Variants in CDYL2 observed in about 807,000 individuals in gnomAD.
The protein encoded by CDYL2 is chromodomain Y-like protein 2.
CDYL2 carries 23 observed loss-of-function variants against 49.4 expected under a neutral mutation model. That is an observed-to-expected ratio of 0.47 (90% CI 0.34 to 0.66). The LOEUF is 0.66. Ranked by LOEUF, CDYL2 falls within the 30% of genes least tolerant of loss-of-function variation. CDYL2 has a pLI of 0.01. For missense variants in CDYL2, 678 were observed against 656.4 expected (o/e 1.03, Z -0.36); for synonymous variants, 360 against 268.8 (o/e 1.34, Z -3.32).
Position 80,803,744 on chromosome 16 carries a change from C to T in CDYL2, c.24+406G>A, listed in dbSNP as rs867345304. Among the ~76,000 whole-genome samples the T allele has an allele frequency of 5.5e-4, 79 of 143,726 alleles. No homozygotes were observed. In the Middle Eastern group the frequency reaches 0.024, roughly 45 times the overall value. The allele number at this position is 143,726 out of a possible 152,430, so 94.3% of individuals were successfully genotyped here. On this transcript the variant is annotated intron_variant, in intron 1 of 6. Transcript: ENST00000570137. ...CCCCGCCGGCCGCGGCGCGCCCCCC[C>T]GCATTCCCAGCACGTCCGGCGCCGA...
intron 1 of CDYL2, among the ~76,000 whole-genome samples, chr16:80,800,937 T>A (rs1907907448): frequency 6.6e-6 from 1 of 152,192 alleles, no homozygotes; most frequent in East Asian, 1.9e-4. Context: ...GTGAATGATT[T>A]AAGAAGAATG....
rs1449217765 is a variant in CDYL2, at chr16:80,626,438, G to C, written c.835-5503C>G. Among the ~76,000 whole-genome samples the C allele has an allele frequency of 2.6e-5, 4 of 152,132 alleles. No individual in the cohort carries two copies. In the East Asian group the frequency reaches 7.7e-4, roughly 29 times the overall value. Reference sequence around the variant, plus strand: ...AATAATATTGTAGAGGATGAGAGGAGGAATGACTAGGGTTGGAGCATGTCA... The same window carrying C: ...AATAATATTGTAGAGGATGAGAGGACGAATGACTAGGGTTGGAGCATGTCA... On this transcript the variant is annotated intron_variant, in intron 3 of 6. Transcript: ENST00000570137.
At chr16:80,635,889 G>C (rs1907799942) in intron 2 of CDYL2, among the ~76,000 whole-genome samples, 1 of 152,176 alleles carries the variant, frequency 6.6e-6, no homozygotes, top group African/African-American at 2.4e-5. Context: ...GAACAGAACA[G>C]AGGCCTCAGA....
At chr16:80,615,758 G>C (rs1354721334) in intron 4 of CDYL2, among the ~76,000 whole-genome samples, 2 of 152,152 alleles carry the variant, frequency 1.3e-5, no homozygotes, top group Non-Finnish European at 2.9e-5. Context: ...GGCGTGCAGA[G>C]CTCTGACCCT....
chr16:80,606,450 CCA>C (rs1488578229), intron 6 of CDYL2, among the ~76,000 whole-genome samples: 2 of 152,170 alleles, frequency 1.3e-5, no homozygotes, highest in African/African-American at 4.8e-5. Flanking sequence ...AGCTTGCAGG[CCA>C]GTCTCCCACC....
At chr16:80,724,535 C>G (rs1036478051) in intron 1 of CDYL2, among the ~76,000 whole-genome samples, 2 of 152,174 alleles carry the variant, frequency 1.3e-5, no homozygotes, top group South Asian at 4.1e-4. Context: ...ACTCTCCACC[C>G]ACCTCAAGCA....
At chr16:80,605,324 A>G (rs1906281046) in intron 6 of CDYL2, among the ~76,000 whole-genome samples, 1 of 148,572 alleles carries the variant, frequency 6.7e-6, no homozygotes, top group Non-Finnish European at 1.5e-5. Context: ...ACACATGTAT[A>G]TATGTATATA....
At chr16:80,756,671 G>T (rs779139109) in intron 1 of CDYL2, among the ~76,000 whole-genome samples, 9 of 151,962 alleles carry the variant, frequency 5.9e-5, no homozygotes, top group Non-Finnish European at 8.8e-5. Context: ...TAATGACCTT[G>T]ACAGAAAAAT....
intron 1 of CDYL2, among the ~76,000 whole-genome samples, chr16:80,773,594 A>C (rs1346790852): frequency 6.6e-6 from 1 of 152,192 alleles, no homozygotes; most frequent in East Asian, 1.9e-4. Flanking sequence ...TCTTAAAGTT[A>C]AATATCAGAG....
At chr16:80,769,089 C>T (rs368172481) in intron 1 of CDYL2, among the ~76,000 whole-genome samples, 1 of 152,170 alleles carries the variant, frequency 6.6e-6, no homozygotes, top group African/African-American at 2.4e-5. Context: ...AAATACCCAT[C>T]ACATATCATC....
intron 1 of CDYL2, among the ~76,000 whole-genome samples, chr16:80,728,716 A>C (rs1905239666): frequency 6.6e-6 from 1 of 152,236 alleles, no homozygotes; most frequent in Non-Finnish European, 1.5e-5. Context: ...GGTTACCCAC[A>C]AAGGGAAGCC....
chr16:80,734,427 C>A (rs1354999962), intron 1 of CDYL2, among the ~76,000 whole-genome samples: 1 of 152,092 alleles, frequency 6.6e-6, no homozygotes, highest in Non-Finnish European at 1.5e-5. Context: ...GACAACAACA[C>A]TAAAGACTAA....
At chr16:80,683,149 C>T (rs1910035870) in intron 2 of CDYL2, among the ~76,000 whole-genome samples, 1 of 152,206 alleles carries the variant, frequency 6.6e-6, no homozygotes, top group African/African-American at 2.4e-5. Flanking sequence ...CTAACCATTC[C>T]CCCTGCATCC....
At chr16:80,713,091 T>A (rs998508909) in intron 1 of CDYL2, among the ~76,000 whole-genome samples, 1 of 152,176 alleles carries the variant, frequency 6.6e-6, no homozygotes, top group South Asian at 2.1e-4. Flanking sequence ...TACAAGAATA[T>A]CCCTTCAGAG....
At chr16:80,759,764 C>T (rs1212982378) in intron 1 of CDYL2, among the ~76,000 whole-genome samples, 1 of 152,200 alleles carries the variant, frequency 6.6e-6, no homozygotes, top group African/African-American at 2.4e-5. Flanking sequence ...ACAACACATT[C>T]AGCAATTGCA....
rs1331647487 is a variant in CDYL2 at position 80,599,289 on chromosome 16, TG to T, written c.*5098del. On this transcript the variant is annotated 3_prime_UTR_variant, in exon 7 of 7. Transcript: ENST00000570137. ...TGACTTTATAAATACATACCAGAGA[TG>T]AACCAAATAACTTGATTTTAGCCAT... 2.0e-5 allele frequency: 3 copies of T among 152,224 alleles called. No homozygotes were observed. The highest frequency in any genetic ancestry group is 4.4e-5 in the Non-Finnish European group (3 of 68,032). The allele number at this position is 152,224 out of a possible 1,614,324, so 9.4% of individuals were successfully genotyped here. A position where few individuals can be genotyped will look rare whatever the true frequency, so the allele number is the denominator to read the frequency against.
intron 4 of CDYL2, among the ~76,000 whole-genome samples, chr16:80,613,274 T>C (rs775009700): frequency 6.6e-6 from 1 of 152,208 alleles, no homozygotes; most frequent in African/African-American, 2.4e-5. Flanking sequence ...AAGAATGTTC[T>C]AACATCTCTG....
At position 80,804,227 on chromosome 16, in the gene CDYL2, C is replaced by G; in HGVS notation, c.-54G>C. 7.5e-7 allele frequency: 1 copy of G among 1,331,012 alleles called. No homozygotes were observed. The highest frequency in any genetic ancestry group is 9.9e-7 in the Non-Finnish European group (1 of 1,013,438). 82.5% of individuals were successfully genotyped at this position (1,331,012 alleles called of 1,614,324 possible). On this transcript the variant is annotated 5_prime_UTR_variant, in exon 1 of 7. Transcript: ENST00000570137. ...GTGCGCGTCTGCTCGCTCGCGCCCT[C>G]CGTGCGTGTGCGCGCGGGGTCCGGT...
chr16:80,659,051 TGATGGATGGATGGATGGATG>T (rs57221086), intron 2 of CDYL2, among the ~76,000 whole-genome samples: 81 of 149,964 alleles, frequency 5.4e-4, no homozygotes, highest in African/African-American at 8.8e-4. Flanking sequence ...ACGATAGAGG[TGATGGATGGATGGATGGATG>T]GATGGATGGA....
Sources: gnomAD v4.1 joint callset for allele counts (sites outside exome capture counted in the v4.1 genomes callset) on GRCh38, gnomAD v4.1.1 for gene constraint, MANE v1.5 for transcripts, NCBI Gene and HGNC (gene_info 2026-07-23, HGNC 2026-07-21) for gene names.